Variants in PKHD1 observed in about 807,000 individuals in gnomAD.
PKHD1 encodes the protein fibrocystin.
PKHD1 carries 291 observed loss-of-function variants against 412.0 expected under a neutral mutation model. The observed-to-expected ratio is 0.71, with a 90% CI of 0.64 to 0.78. The LOEUF (loss-of-function observed/expected upper bound fraction) is 0.78, where lower values mean the gene tolerates loss of function less well. PKHD1 is among the 30% of genes least tolerant of loss of function. PKHD1 has a pLI of 0.00. For synonymous variants in PKHD1, 1,777 were observed against 1,821.5 expected (o/e 0.98, Z 0.62); for missense variants, 4,825 against 4,950.7 (o/e 0.97, Z 0.76).
intron 52 of PKHD1, among the ~76,000 whole-genome samples, chr6:51,822,767 T>C (rs1192144294): frequency 6.6e-6 from 1 of 152,178 alleles, no homozygotes; most frequent in Non-Finnish European, 1.5e-5. Context: ...GCATCCTCTA[T>C]TTCTATTGAT....
At chr6:51,995,139 C>T (rs1465287597) in intron 35 of PKHD1, among the ~76,000 whole-genome samples, 1 of 152,166 alleles carries the variant, frequency 6.6e-6, no homozygotes, top group Non-Finnish European at 1.5e-5. Flanking sequence ...TATGTTCTCA[C>T]CCCTCGTGGA....
intron 35 of PKHD1, among the ~76,000 whole-genome samples, chr6:51,981,100 C>T (rs1385359955): frequency 6.6e-6 from 1 of 151,844 alleles, no homozygotes; most frequent in Non-Finnish European, 1.5e-5. Context: ...GGAACACATG[C>T]CTGCCTCTAA....
intron 53 of PKHD1, among the ~76,000 whole-genome samples, chr6:51,779,709 T>C (rs558590666): frequency 1.1e-4 from 16 of 152,110 alleles, no homozygotes; most frequent in African/African-American, 3.9e-4. Context: ...CTTAAAAATA[T>C]ATACTGCAAA....
intron 66 of PKHD1, among the ~76,000 whole-genome samples, chr6:51,625,949 A>AC (rs1336661308): frequency 6.6e-6 from 1 of 151,938 alleles, no homozygotes. Flanking sequence ...TCCCAACCAC[A>AC]CCCCCATACC....
At chr6:51,945,120 G>A in intron 36 of PKHD1, among the ~76,000 whole-genome samples, 1 of 152,066 alleles carries the variant, frequency 6.6e-6, no homozygotes, top group East Asian at 1.9e-4. Flanking sequence ...AATATGACCT[G>A]GGCTACAGAT....
chr6:51,753,484 G>C lies in PKHD1; in HGVS notation c.8798-131C>G, dbSNP rs1786461149. 5.3e-6 allele frequency: 4 copies of C among 751,918 alleles called. 1 individual carries two copies. The Admixed American group carries it at 8.1e-5, about 15-fold the overall frequency. 46.6% of individuals were successfully genotyped at this position (751,918 alleles called of 1,614,324 possible). On this transcript the variant is annotated intron_variant, in intron 56 of 66. Coordinates refer to ENST00000371117, the MANE Select transcript of PKHD1 (RefSeq NM_138694.4). Reference sequence around the variant, plus strand: ...AGAAGTTCTACCAACATTAAGGTCTGCTTTTCCTGGGGCATTCTCCACAAA... The same window carrying C: ...AGAAGTTCTACCAACATTAAGGTCTCCTTTTCCTGGGGCATTCTCCACAAA...
At chr6:51,981,911 A>T (rs549665872) in intron 35 of PKHD1, among the ~76,000 whole-genome samples, 1,132 of 92,658 alleles carry the variant, frequency 0.012, 22 homozygotes, top group African/African-American at 0.033. Flanking sequence ...CTAGGAAGTG[A>T]GGAGCGTCTC....
At chr6:51,873,131 A>G (rs768651775) in intron 46 of PKHD1, among the ~76,000 whole-genome samples, 12 of 152,072 alleles carry the variant, frequency 7.9e-5, no homozygotes, top group Non-Finnish European at 1.6e-4. Context: ...TTACACGATG[A>G]TCCAGCAATT....
intron 57 of PKHD1, among the ~76,000 whole-genome samples, chr6:51,750,597 C>T (rs550020969): frequency 2.6e-5 from 4 of 152,146 alleles, no homozygotes; most frequent in South Asian, 2.1e-4. Context: ...TCCACATGTT[C>T]GGCTATCCAG....
intron 53 of PKHD1, among the ~76,000 whole-genome samples, chr6:51,785,604 G>A (rs1792729220): frequency 6.6e-6 from 1 of 152,142 alleles, no homozygotes; most frequent in Non-Finnish European, 1.5e-5. Flanking sequence ...CATTTCCACT[G>A]TATCTCATAT....
intron 35 of PKHD1, among the ~76,000 whole-genome samples, chr6:52,008,527 C>A (rs778071761): frequency 7.3e-5 from 11 of 151,678 alleles, no homozygotes; most frequent in Non-Finnish European, 1.3e-4. Flanking sequence ...GGCATTTAAG[C>A]CTAAAAAAAA....
At chr6:51,726,723 G>A (rs1490996334) in intron 60 of PKHD1, among the ~76,000 whole-genome samples, 1 of 152,120 alleles carries the variant, frequency 6.6e-6, no homozygotes, top group Non-Finnish European at 1.5e-5. Context: ...TTTCTTTCTT[G>A]AAAGAGAAAA....
At chr6:51,981,313 C>G (rs1159013973) in intron 35 of PKHD1, among the ~76,000 whole-genome samples, 3 of 8,130 alleles carry the variant, frequency 3.7e-4, no homozygotes, top group African/African-American at 9.1e-4. Context: ...AGCTCAAGCT[C>G]TCCCTCTCCC....
chr6:51,935,038 C>G (rs190588271), intron 36 of PKHD1, among the ~76,000 whole-genome samples: 6 of 152,298 alleles, frequency 3.9e-5, no homozygotes, highest in Admixed American at 3.9e-4. Context: ...CTGCCCATCT[C>G]CCTGCCTGCC....
chr6:51,730,001 A>G (rs1482763652), intron 60 of PKHD1, among the ~76,000 whole-genome samples: 1 of 152,210 alleles, frequency 6.6e-6, no homozygotes, highest in African/African-American at 2.4e-5. Flanking sequence ...TGATTGTGAG[A>G]AAACTTTGGC....
chr6:51,826,812 G>A (rs1234750488), intron 52 of PKHD1, among the ~76,000 whole-genome samples: 2 of 151,938 alleles, frequency 1.3e-5, no homozygotes, highest in African/African-American at 4.8e-5. Context: ...AAGGAAAATG[G>A]TACCATACTT....
At chr6:51,665,804 T>G (rs1445730166) in intron 60 of PKHD1, among the ~76,000 whole-genome samples, 2 of 152,162 alleles carry the variant, frequency 1.3e-5, no homozygotes, top group Non-Finnish European at 2.9e-5. Context: ...AGTGGATGAC[T>G]GACACAGTAA....
Position 52,072,101 on chromosome 6 carries a change from A to G in PKHD1, c.602+14T>C, listed in dbSNP as rs750547301. ...TTACAAGCATGTGCATTGGCAAGATAATAAGACACTCACCAGCTTCCCATC... is the reference window on the plus strand; with the variant it reads ...TTACAAGCATGTGCATTGGCAAGATGATAAGACACTCACCAGCTTCCCATC... On this transcript the variant is annotated intron_variant, in intron 8 of 66. Coordinates refer to ENST00000371117, the MANE Select transcript of PKHD1 (RefSeq NM_138694.4). The G allele has an allele frequency of 6.6e-7, 1 of 1,523,328 alleles. No homozygotes were observed. Among genetic ancestry groups the G allele is most frequent in the Admixed American group, 1.7e-5 (1 of 59,860 alleles). 94.4% of individuals were successfully genotyped at this position (1,523,328 alleles called of 1,614,324 possible).
intron 35 of PKHD1, among the ~76,000 whole-genome samples, chr6:51,982,673 G>C (rs1253075139): frequency 2.7e-5 from 4 of 147,222 alleles, no homozygotes; most frequent in Admixed American, 6.8e-5. Context: ...CAAACACTGC[G>C]GAAGGCCGCA....
Sources: allele counts gnomAD v4.1 joint callset (sites outside exome capture counted in the v4.1 genomes callset), GRCh38; gene constraint gnomAD v4.1.1; transcripts MANE v1.5; gene names NCBI Gene and HGNC (gene_info 2026-07-23, HGNC 2026-07-21).